DACH1: variants seen among roughly 807,000 people sequenced by gnomAD.
DACH1 encodes dachshund homolog 1.
Under a neutral mutation model 54.2 loss-of-function variants are expected in DACH1, and 12 were observed. The observed-to-expected ratio is 0.22, with a 90% confidence interval of 0.14 to 0.36. The LOEUF (loss-of-function observed/expected upper bound fraction) is 0.36. Ranked by LOEUF, DACH1 falls within the 10% of genes least tolerant of loss-of-function variation. DACH1 has a pLI of 1.00. For synonymous variants in DACH1, 386 were observed against 366.2 expected, an observed-to-expected ratio of 1.05 and a Z score of -0.62; for missense variants, 805 against 929.8, an observed-to-expected ratio of 0.87 and a Z score of 1.75.
chr13:71,733,980 C>T (rs1412285592), intron 1 of DACH1, among the ~76,000 whole-genome samples: 3 of 151,760 alleles, frequency 2.0e-5, no homozygotes, highest in South Asian at 2.1e-4. Context: ...ACCTGGGGAT[C>T]GGAGGTTGCA....
chr13:71,544,969 T>C (rs1174775313), intron 6 of DACH1, among the ~76,000 whole-genome samples: 3 of 152,066 alleles, frequency 2.0e-5, no homozygotes, highest in Non-Finnish European at 4.4e-5. Context: ...CCTAGATTAC[T>C]GCATCATCCT....
chr13:71,687,682 A>C (rs1025926336), intron 1 of DACH1, among the ~76,000 whole-genome samples: 1 of 152,144 alleles, frequency 6.6e-6, no homozygotes, highest in Non-Finnish European at 1.5e-5. Flanking sequence ...ATCACAGCTC[A>C]CTGCGTCCTC....
At chr13:71,712,249 T>C (rs1390179827) in intron 1 of DACH1, among the ~76,000 whole-genome samples, 1 of 152,066 alleles carries the variant, frequency 6.6e-6, no homozygotes, top group African/African-American at 2.4e-5. Context: ...AATTAAATCT[T>C]TTTTTCTTAG....
intron 6 of DACH1, among the ~76,000 whole-genome samples, chr13:71,526,595 A>C (rs999964456): frequency 2.6e-5 from 4 of 152,008 alleles, no homozygotes; most frequent in African/African-American, 7.2e-5. Flanking sequence ...TTAAACTTGC[A>C]TCTGGTATAT....
At chr13:71,698,368 G>A (rs999925383) in intron 1 of DACH1, among the ~76,000 whole-genome samples, 3 of 151,964 alleles carry the variant, frequency 2.0e-5, no homozygotes, top group African/African-American at 7.3e-5. Flanking sequence ...TCATACTTTG[G>A]CCATCACTCT....
At chr13:71,633,648 AACT>A (rs1437393063) in intron 2 of DACH1, among the ~76,000 whole-genome samples, 1 of 152,040 alleles carries the variant, frequency 6.6e-6, no homozygotes, top group Admixed American at 6.6e-5. Flanking sequence ...GCTGTAACTT[AACT>A]ACAACACTTT....
chr13:71,479,896 C>T (rs893219926), intron 7 of DACH1, among the ~76,000 whole-genome samples: 3 of 152,118 alleles, frequency 2.0e-5, no homozygotes, highest in Non-Finnish European at 2.9e-5. Context: ...ATGGCTCACA[C>T]CCTCATTTCA....
chr13:71,642,095 T>C (rs1462665428), intron 2 of DACH1, among the ~76,000 whole-genome samples: 2 of 152,202 alleles, frequency 1.3e-5, no homozygotes, highest in South Asian at 2.1e-4. Flanking sequence ...TTGTAAGTCA[T>C]AGCAAATCTT....
intron 1 of DACH1, among the ~76,000 whole-genome samples, chr13:71,701,071 A>G (rs1460720360): frequency 6.6e-6 from 1 of 152,202 alleles, no homozygotes; most frequent in Non-Finnish European, 1.5e-5. Context: ...ATCTTAAAGC[A>G]TAAGTAGATG....
intron 3 of DACH1, among the ~76,000 whole-genome samples, chr13:71,616,870 C>T (rs1004820458): frequency 9.4e-5 from 14 of 148,842 alleles, no homozygotes; most frequent in South Asian, 4.2e-4. Flanking sequence ...AATGCAGTTT[C>T]GGGGTTCAAT....
At chr13:71,704,761 AT>A (rs1204354949) in intron 1 of DACH1, 14 of 161,856 alleles carry the variant, frequency 8.6e-5, no homozygotes, top group Admixed American at 6.5e-5. Flanking sequence ...TTTAAAGCAA[AT>A]TTTAATTGTG....
At chr13:71,770,699 GT>G (rs1455352825) in intron 1 of DACH1, among the ~76,000 whole-genome samples, 1 of 151,540 alleles carries the variant, frequency 6.6e-6, no homozygotes, top group East Asian at 1.9e-4. Context: ...AGTAGGTGTT[GT>G]TTTCATTAAG....
intron 1 of DACH1, among the ~76,000 whole-genome samples, chr13:71,692,420 A>G (rs761945070): frequency 1.3e-5 from 2 of 148,968 alleles, no homozygotes; most frequent in Non-Finnish European, 3.0e-5. Context: ...GGCACTGATT[A>G]TTAGTCAAAC....
chr13:71,832,071 TA>T (rs1212186764), intron 1 of DACH1, among the ~76,000 whole-genome samples: 8 of 151,960 alleles, frequency 5.3e-5, no homozygotes, highest in Non-Finnish European at 4.4e-5. Flanking sequence ...TTTCTCAGGC[TA>T]GGTATTGTCT....
At chr13:71,644,763 T>TCTGA (rs1310887534) in intron 2 of DACH1, among the ~76,000 whole-genome samples, 2 of 152,090 alleles carry the variant, frequency 1.3e-5, no homozygotes, top group Non-Finnish European at 2.9e-5. Flanking sequence ...CACCTTTGAA[T>TCTGA]CTGAACATGA....
intron 1 of DACH1, among the ~76,000 whole-genome samples, chr13:71,777,332 T>C (rs916360417): frequency 1.3e-5 from 2 of 152,124 alleles, no homozygotes; most frequent in Non-Finnish European, 2.9e-5. Flanking sequence ...GTTTGGTAGC[T>C]TGAACAGTAA....
chr13:71,691,685 T>C (rs1161165595), intron 1 of DACH1, among the ~76,000 whole-genome samples: 1 of 152,252 alleles, frequency 6.6e-6, no homozygotes, highest in Non-Finnish European at 1.5e-5. Flanking sequence ...ACTACCACTG[T>C]AGCAGATTTG....
chr13:71,519,882 A>AATATATATATATATATATATAT (rs1555290464), intron 6 of DACH1, among the ~76,000 whole-genome samples: 1 of 35,526 alleles, frequency 2.8e-5, no homozygotes, highest in Non-Finnish European at 5.2e-5. Flanking sequence ...AAACCAAAGT[A>AATATATATATATATATATATAT]GTATATATAT....
chr13:71,550,611 T>A (rs986914901), intron 6 of DACH1, among the ~76,000 whole-genome samples: 1 of 152,154 alleles, frequency 6.6e-6, no homozygotes, highest in African/African-American at 2.4e-5. Flanking sequence ...TTTTCCTCAA[T>A]TGTCATTGAA....
Sources: gnomAD v4.1 joint callset for allele counts (sites outside exome capture counted in the v4.1 genomes callset) on GRCh38, gnomAD v4.1.1 for gene constraint, MANE v1.5 for transcripts, NCBI Gene and HGNC (gene_info 2026-07-23, HGNC 2026-07-21) for gene names.